The following UNC13C variants were observed in gnomAD, a reference collection of about 807,000 sequenced individuals.
UNC13C encodes protein unc-13 homolog C.
In UNC13C, 174 loss-of-function variants were observed where a neutral mutation model predicts 245.4. The ratio of observed to expected loss-of-function variants is 0.71; its 90% confidence interval spans 0.63 to 0.80. The LOEUF is 0.80. Ranked by LOEUF, UNC13C falls within the 30% of genes least tolerant of loss-of-function variation. The pLI, the probability that UNC13C is intolerant of heterozygous loss-of-function variation, is 0.00. For synonymous variants in UNC13C, 992 were observed against 895.1 expected, an observed-to-expected ratio of 1.11 and a Z score of -1.93; for missense variants, 2,829 against 2,602.9, an observed-to-expected ratio of 1.09 and a Z score of -1.89.
At chr15:54,091,204 A>AT (rs1899555044) in intron 2 of UNC13C, among the ~76,000 whole-genome samples, 2 of 152,014 alleles carry the variant, frequency 1.3e-5, no homozygotes, top group African/African-American at 4.8e-5. Flanking sequence ...AAGACCTGTA[A>AT]TTGTCTCTCC....
intron 19 of UNC13C, among the ~76,000 whole-genome samples, chr15:54,420,820 C>G (rs1264567459): frequency 6.6e-6 from 1 of 151,960 alleles, no homozygotes; most frequent in Non-Finnish European, 1.5e-5. Flanking sequence ...TGTTAACCCT[C>G]TCTAGTTTTC....
Position 54,622,329 on chromosome 15 carries a change from C to T in UNC13C, c.6109C>T (p.Arg2037Cys), listed in dbSNP as rs141439711. The T allele has an allele frequency of 3.6e-4, 578 of 1,612,312 alleles. 1 individual carries two copies. The African/African-American group carries it at 7.1e-3, about 20-fold the overall frequency. The change falls in exon 31 of 33, where the codon CGT becomes TGT. Residue 2037 changes from arginine to cysteine, a missense_variant and splice_region_variant. Physicochemically the swap from Arg to Cys is radical, Grantham distance 180 (BLOSUM62 -3). Transcript: ENST00000260323. The part of the protein sequence containing the change: ...KFIDTQTSQS[R>C]SSKDAVGQIS... ...AGTAAGCCTCTGCTTATTTTCAGGTCGTTCCTCCAAAGATGCCGTGGGTCA... is the reference window on the plus strand; with the variant it reads ...AGTAAGCCTCTGCTTATTTTCAGGTTGTTCCTCCAAAGATGCCGTGGGTCA...
chr15:54,470,511 G>A (rs1892401463), intron 19 of UNC13C, among the ~76,000 whole-genome samples: 1 of 151,296 alleles, frequency 6.6e-6, no homozygotes, highest in African/African-American at 2.4e-5. Context: ...TTTCTTTCAG[G>A]TTGTCTAATT....
the UNC13C span, among the ~76,000 whole-genome samples, chr15:53,949,755 G>A: frequency 1.3e-5 from 2 of 152,124 alleles, no homozygotes; most frequent in African/African-American, 4.8e-5. Context: ...GCTCCAGACA[G>A]AATTAATCAG....
At chr15:53,881,574 C>T in the UNC13C span, among the ~76,000 whole-genome samples, 29 of 152,324 alleles carry the variant, frequency 1.9e-4, no homozygotes, top group Non-Finnish European at 3.4e-4. Flanking sequence ...ATTCCTTGGT[C>T]ACAGTTGGAT....
intron 4 of UNC13C, among the ~76,000 whole-genome samples, chr15:54,211,501 T>C (rs1018198281): frequency 6.6e-6 from 1 of 152,120 alleles, no homozygotes; most frequent in African/African-American, 2.4e-5. Context: ...GTTATCCTAC[T>C]ATGACCAGTT....
intron 2 of UNC13C, among the ~76,000 whole-genome samples, chr15:54,090,347 G>A (rs187419347): frequency 1.3e-5 from 2 of 151,928 alleles, no homozygotes; most frequent in East Asian, 1.9e-4. Context: ...GGGACAAGAA[G>A]TCTTCTCTAT....
At chr15:53,886,337 C>T in the UNC13C span, among the ~76,000 whole-genome samples, 2 of 152,022 alleles carry the variant, frequency 1.3e-5, no homozygotes, top group African/African-American at 4.8e-5. Flanking sequence ...GAAAACCAAA[C>T]AAAAACAAAC....
chr15:54,056,372 G>A (rs908265440), intron 2 of UNC13C, among the ~76,000 whole-genome samples: 2 of 152,058 alleles, frequency 1.3e-5, no homozygotes, highest in African/African-American at 2.4e-5. Flanking sequence ...AATGGAAGAC[G>A]AAATGAATGA....
chr15:54,374,683 G>A (rs1367734284), intron 17 of UNC13C, among the ~76,000 whole-genome samples: 1 of 152,228 alleles, frequency 6.6e-6, no homozygotes, highest in Non-Finnish European at 1.5e-5. Context: ...GTCTGCAGCT[G>A]CACCCAGAGG....
intron 4 of UNC13C, among the ~76,000 whole-genome samples, chr15:54,150,375 T>C (rs1319353808): frequency 6.6e-6 from 1 of 152,138 alleles, no homozygotes; most frequent in Non-Finnish European, 1.5e-5. Context: ...CTTCAGGGAG[T>C]ACGCCTAATC....
At chr15:54,150,588 G>A (rs567782926) in intron 4 of UNC13C, among the ~76,000 whole-genome samples, 1 of 152,266 alleles carries the variant, frequency 6.6e-6, no homozygotes, top group South Asian at 2.1e-4. Flanking sequence ...GCTTCCTGTG[G>A]TCAAGAAGAC....
chr15:54,250,947 G>A (rs200256993), intron 8 of UNC13C, among the ~76,000 whole-genome samples: 8 of 150,450 alleles, frequency 5.3e-5, no homozygotes, highest in African/African-American at 9.8e-5. Context: ...TAGTAGAGAC[G>A]GGGTTTCATC....
chr15:54,110,463 G>A (rs190650976), intron 2 of UNC13C, among the ~76,000 whole-genome samples: 97 of 152,228 alleles, frequency 6.4e-4, no homozygotes, highest in African/African-American at 2.3e-3. Context: ...TCTGTCTTCA[G>A]TGTATAACCT....
chr15:54,033,669 C>G (rs1210293587), intron 2 of UNC13C, among the ~76,000 whole-genome samples: 1 of 152,180 alleles, frequency 6.6e-6, no homozygotes, highest in East Asian at 1.9e-4. Flanking sequence ...ATTCAGTCCT[C>G]TTGTTTTGCA....
chr15:54,626,871 C>G lies in UNC13C; in HGVS notation c.6403C>G (p.Leu2135Val). ...ENRPGAYELHLSVKDYCFARE... is the reference protein window; with the variant it reads ...ENRPGAYELHVSVKDYCFARE... ...TCGACCAGGGGCTTATGAACTTCAT[C>G]TCTCAGTTAAGGATTACTGCTTTGC... The change falls in exon 33 of 33, where the codon CTC (leucine) becomes GTC (valine). Residue 2135 changes from leucine to valine, a missense_variant. Physicochemically the swap from Leu to Val is conservative, Grantham distance 32 (BLOSUM62 1). Transcript: ENST00000260323. The G allele has an allele frequency of 1.2e-6, 2 of 1,613,144 alleles. No homozygotes were observed. The highest frequency in any genetic ancestry group is 1.7e-6 in the Non-Finnish European group (2 of 1,179,468).
chr15:54,619,038 G>T (rs1900632364), intron 30 of UNC13C, among the ~76,000 whole-genome samples: 2 of 152,080 alleles, frequency 1.3e-5, no homozygotes, highest in Admixed American at 6.6e-5. Context: ...AACAGTGTTT[G>T]CCTCTTTCTT....
At chr15:53,939,318 A>C in the UNC13C span, among the ~76,000 whole-genome samples, 1 of 152,292 alleles carries the variant, frequency 6.6e-6, no homozygotes, top group South Asian at 2.1e-4. Flanking sequence ...TAGACCACTA[A>C]TGAGTTCTGA....
intron 10 of UNC13C, among the ~76,000 whole-genome samples, chr15:54,286,394 A>G (rs1039564989): frequency 6.6e-6 from 1 of 152,174 alleles, no homozygotes; most frequent in African/African-American, 2.4e-5. Context: ...ATCTAGCCCA[A>G]CTATAAGTGC....
Sources: allele counts gnomAD v4.1 joint callset (sites outside exome capture counted in the v4.1 genomes callset), GRCh38; gene constraint gnomAD v4.1.1; transcripts MANE v1.5; gene names NCBI Gene and HGNC (gene_info 2026-07-23, HGNC 2026-07-21).